The following ELOVL7 variants were observed in gnomAD, a reference collection of about 807,000 sequenced individuals.
The protein encoded by ELOVL7 is ELOVL fatty acid elongase 7, also known as very long chain fatty acid elongase 7.
Under a neutral mutation model 35.7 loss-of-function variants are expected in ELOVL7, and 27 were observed. The observed-to-expected ratio is 0.76, with a 90% CI of 0.56 to 1.04. ELOVL7 has a LOEUF of 1.04. ELOVL7 is among the 50% of genes least tolerant of loss of function. The pLI, the probability that ELOVL7 is intolerant of heterozygous loss-of-function variation, is 0.00. For synonymous variants in ELOVL7, 113 were observed against 114.6 expected (o/e 0.99, Z 0.09); for missense variants, 327 against 340.8 (o/e 0.96, Z 0.32).
At position 60,764,299 on chromosome 5, in the gene ELOVL7, C is replaced by T. The variant is rs759820418; in HGVS notation, c.427G>A (p.Val143Met). ...TGATGGAATACATGAAGGAAAGTCA[C>T]TTGGCTATTTTTCTTGCGCAGAACA... is the stretch of plus-strand genomic sequence containing the variant. ...FFVLRKKNSQ[V>M]TFLHVFHHTI... Residue 143 changes from valine (V) to methionine (M), a missense_variant, in exon 7 of 9, where the codon GTG (valine) becomes ATG (methionine). Transcript: ENST00000508821. 8.1e-6 allele frequency: 13 copies of T among 1,613,558 alleles called. No individual in the cohort carries two copies. Among genetic ancestry groups the T allele is most frequent in the Non-Finnish European group, 1.1e-5 (13 of 1,179,754 alleles).
At chr5:60,767,952 G>T in intron 4 of ELOVL7, 49 bp from the exon 5 acceptor site, 1 of 1,458,890 alleles carries the variant, frequency 6.9e-7, no homozygotes, top group Non-Finnish European at 9.6e-7. Flanking sequence ...TTTCCCAACA[G>T]CCACAACAAA....
intron 1 of ELOVL7, among the ~76,000 whole-genome samples, chr5:60,801,440 A>G (rs968971599): frequency 6.6e-6 from 1 of 152,192 alleles, no homozygotes; most frequent in Admixed American, 6.5e-5. Flanking sequence ...GGTGGCTCAC[A>G]TCCGTAATCC....
intron 6 of ELOVL7, 146 bp downstream of exon 6, chr5:60,766,428 C>T: frequency 1.6e-6 from 1 of 610,806 alleles, no homozygotes; most frequent in Non-Finnish European, 2.9e-6. Flanking sequence ...AAAAAGATAA[C>T]AGTAGGTCTG....
chr5:60,806,732 G>A (rs1353959987), intron 1 of ELOVL7, among the ~76,000 whole-genome samples: 1 of 152,062 alleles, frequency 6.6e-6, no homozygotes, highest in East Asian at 1.9e-4. Context: ...TCTCTCCTTG[G>A]CTTGTGAACT....
chr5:60,796,017 GTC>G (rs1239740629), intron 2 of ELOVL7, among the ~76,000 whole-genome samples: 1 of 152,192 alleles, frequency 6.6e-6, no homozygotes, highest in Non-Finnish European at 1.5e-5. Context: ...TGTATAGACA[GTC>G]TCTCTCTGGG....
chr5:60,781,689 T>C (rs1210514495), intron 3 of ELOVL7, among the ~76,000 whole-genome samples: 2 of 152,238 alleles, frequency 1.3e-5, no homozygotes, highest in Non-Finnish European at 2.9e-5. Context: ...TTTAATTGGA[T>C]GTTATCTTCA....
intron 6 of ELOVL7, 54 bp from the exon 7 acceptor site, chr5:60,764,386 GAGT>G: frequency 7.4e-7 from 1 of 1,344,730 alleles, no homozygotes; most frequent in Non-Finnish European, 1.1e-6. Context: ...ATAGTGTATT[GAGT>G]ATTATAAAAA....
intron 1 of ELOVL7, among the ~76,000 whole-genome samples, chr5:60,812,461 G>T (rs958005113): frequency 6.6e-6 from 1 of 152,030 alleles, no homozygotes; most frequent in Non-Finnish European, 1.5e-5. Flanking sequence ...CCCTCTCTAG[G>T]CTGGAGAGGA....
intron 1 of ELOVL7, among the ~76,000 whole-genome samples, chr5:60,831,374 T>G (rs1036285908): frequency 1.3e-5 from 2 of 152,236 alleles, no homozygotes; most frequent in East Asian, 3.8e-4. Context: ...CTTTTAAAAT[T>G]TGAGACTATG....
chr5:60,763,844 T>C (rs1247126750), intron 7 of ELOVL7, among the ~76,000 whole-genome samples: 1 of 152,190 alleles, frequency 6.6e-6, no homozygotes, highest in Non-Finnish European at 1.5e-5. Context: ...GAGATAAGCA[T>C]TCTAACTTCC....
intron 2 of ELOVL7, among the ~76,000 whole-genome samples, chr5:60,789,931 A>G (rs1743825365): frequency 6.6e-6 from 1 of 152,194 alleles, no homozygotes; most frequent in African/African-American, 2.4e-5. Flanking sequence ...TGAGGTCAGG[A>G]GTTCGAGACT....
chr5:60,762,565 A>C (rs1229603374), intron 7 of ELOVL7, among the ~76,000 whole-genome samples: 1 of 152,150 alleles, frequency 6.6e-6, no homozygotes, highest in African/African-American at 2.4e-5. Flanking sequence ...CAATATCTCC[A>C]AACCACCTCT....
chr5:60,784,512 C>T (rs564515493), intron 3 of ELOVL7, among the ~76,000 whole-genome samples: 1 of 152,308 alleles, frequency 6.6e-6, no homozygotes, highest in South Asian at 2.1e-4. Context: ...TCTTCTGTAG[C>T]TGTGGAATTT....
At chr5:60,778,180 C>A (rs1743024224) in intron 3 of ELOVL7, among the ~76,000 whole-genome samples, 1 of 152,084 alleles carries the variant, frequency 6.6e-6, no homozygotes, top group East Asian at 1.9e-4. Context: ...TTGTTTTGTG[C>A]AATTAAAACC....
At chr5:60,788,766 C>G (rs1363946829) in intron 2 of ELOVL7, among the ~76,000 whole-genome samples, 1 of 151,934 alleles carries the variant, frequency 6.6e-6, no homozygotes, top group Non-Finnish European at 1.5e-5. Flanking sequence ...CTGGTCCAGC[C>G]TGGGCAACAG....
chr5:60,763,293 C>T (rs567520652), intron 7 of ELOVL7, among the ~76,000 whole-genome samples: 3 of 152,314 alleles, frequency 2.0e-5, no homozygotes, highest in South Asian at 2.1e-4. Flanking sequence ...CTTCCTGACA[C>T]GGGCTTATCC....
At chr5:60,767,775 AT>A (rs1742331057) in intron 5 of ELOVL7, 47 bp downstream of exon 5, 1 of 1,457,184 alleles carries the variant, frequency 6.9e-7, no homozygotes, top group Non-Finnish European at 9.6e-7. Flanking sequence ...AGTTCACAAA[AT>A]TTTAACATTG....
Position 60,770,335 on chromosome 5 carries a change from G to A in ELOVL7, c.255+1568C>T, listed in dbSNP as rs190919898. Among the ~76,000 whole-genome samples the A allele has an allele frequency of 2.3e-3, 350 of 152,292 alleles. 1 individual carries two copies. Among genetic ancestry groups the A allele is most frequent in the Admixed American group, 5.5e-3 (84 of 15,298 alleles). Reference sequence around the variant, plus strand: ...ATAGACCCTAAGAATATGAGAGCAAGGAGGGATCTGAGAGACTATTTGGTT... The same window carrying A: ...ATAGACCCTAAGAATATGAGAGCAAAGAGGGATCTGAGAGACTATTTGGTT... On this transcript the variant is annotated intron_variant, in intron 4 of 8. Coordinates refer to ENST00000508821, the MANE Select transcript of ELOVL7 (RefSeq NM_024930.3).
chr5:60,801,741 C>A (rs753568663), intron 1 of ELOVL7, among the ~76,000 whole-genome samples: 2 of 151,746 alleles, frequency 1.3e-5, no homozygotes, highest in South Asian at 4.2e-4. Flanking sequence ...TAGAACAAAG[C>A]GAGCAGAAGG....
Sources: allele counts gnomAD v4.1 joint callset (sites outside exome capture counted in the v4.1 genomes callset), GRCh38; gene constraint gnomAD v4.1.1; transcripts MANE v1.5; gene names NCBI Gene and HGNC (gene_info 2026-07-23, HGNC 2026-07-21).